BCAR3: variants seen among roughly 807,000 people sequenced by gnomAD.
BCAR3 encodes BCAR3 adaptor protein, NSP family member.
BCAR3 carries 37 observed loss-of-function variants against 80.1 expected under a neutral mutation model. The ratio of observed to expected loss-of-function variants is 0.46; its 90% CI spans 0.36 to 0.61. The LOEUF is 0.61. BCAR3 is among the 20% of genes least tolerant of loss of function. BCAR3 has a pLI of 0.00. For missense variants in BCAR3, 978 were observed against 1,068.2 expected (o/e 0.92, Z 1.18); for synonymous variants, 389 against 418.9 (o/e 0.93, Z 0.87).
In BCAR3 at chr1:93,734,043, C is replaced by A. The variant is rs993576064; in HGVS notation, c.-62-27901G>T. On this transcript the variant is annotated intron_variant, in intron 2 of 13. Coordinates refer to the BCAR3 transcript ENST00000370244. Reference sequence around the variant, plus strand: ...TTCCAGGCTGCTGAGCAAATGTAGGCTGGCTGTCTCTCTCAGCTGGCAGAC... The same window carrying A: ...TTCCAGGCTGCTGAGCAAATGTAGGATGGCTGTCTCTCTCAGCTGGCAGAC... 2.0e-5 allele frequency among the ~76,000 whole-genome samples: 3 copies of A among 152,312 alleles called. No individual in the cohort carries two copies. In the East Asian group the frequency reaches 5.8e-4, roughly 29 times the overall value.
intron 3 of BCAR3, among the ~76,000 whole-genome samples, chr1:93,696,673 T>A (rs1310111336): frequency 1.3e-5 from 2 of 152,202 alleles, no homozygotes; most frequent in African/African-American, 4.8e-5. Flanking sequence ...CAAGAGCTTC[T>A]TGCCACCCAT....
chr1:93,621,862 GTTTTGTTTTTGT>G (rs367621093), intron 3 of BCAR3, among the ~76,000 whole-genome samples: 1 of 151,912 alleles, frequency 6.6e-6, no homozygotes, highest in African/African-American at 2.4e-5. Flanking sequence ...AGCCACATTG[GTTTTGTTTTTGT>G]TTTTGTTTTT....
intron 2 of BCAR3, among the ~76,000 whole-genome samples, chr1:93,662,969 A>C (rs932877113): frequency 2.0e-5 from 3 of 152,016 alleles, no homozygotes; most frequent in African/African-American, 7.3e-5. Context: ...TTATTCCTCC[A>C]ACATCACATG....
rs866731151 is a variant in BCAR3 at position 93,609,382 on chromosome 1, A to G, written c.358-16989T>C. 2.0e-5 allele frequency among the ~76,000 whole-genome samples: 3 copies of G among 152,236 alleles called. No homozygotes were observed. In the Middle Eastern group the frequency reaches 0.01, roughly 518 times the overall value. ...TAGCTGAGACTTACTGATTCCATCT[A>G]TCCACAGGCACCACACCCCAACCTC... On this transcript the variant is annotated intron_variant, in intron 3 of 11. Transcript: ENST00000260502.
intron 1 of BCAR3, among the ~76,000 whole-genome samples, chr1:93,675,856 G>A (rs1648452940): frequency 6.8e-6 from 1 of 147,194 alleles, no homozygotes; most frequent in African/African-American, 2.5e-5. Context: ...AGCAAACTAT[G>A]GTTTTGGCCT....
At chr1:93,800,537 C>T (rs1035799487) in intron 2 of BCAR3, among the ~76,000 whole-genome samples, 6 of 152,028 alleles carry the variant, frequency 3.9e-5, no homozygotes, top group African/African-American at 1.5e-4. Flanking sequence ...GATTGTGCCA[C>T]TGCACTCCAG....
intron 2 of BCAR3, among the ~76,000 whole-genome samples, chr1:93,835,792 G>A (rs1557704610): frequency 6.6e-6 from 1 of 152,178 alleles, no homozygotes; most frequent in Non-Finnish European, 1.5e-5. Flanking sequence ...CCCTGAGTCA[G>A]GAAACTAAAA....
intron 3 of BCAR3, among the ~76,000 whole-genome samples, chr1:93,694,650 A>G (rs898001662): frequency 6.6e-6 from 1 of 152,222 alleles, no homozygotes; most frequent in African/African-American, 2.4e-5. Flanking sequence ...CCTGATCATC[A>G]GAATCATGCA....
At chr1:93,775,339 C>CAGAGAGGCACAGAGGTGCTCTCCAT (rs913832813) in intron 2 of BCAR3, 3 of 152,322 alleles carry the variant, frequency 2.0e-5, no homozygotes, top group East Asian at 1.9e-4. Flanking sequence ...TGAGTGCTCT[C>CAGAGAGGCACAGAGGTGCTCTCCAT]AGAGAGGCAC....
intron 3 of BCAR3, among the ~76,000 whole-genome samples, chr1:93,637,337 T>C (rs1675818083): frequency 6.6e-6 from 1 of 152,102 alleles, no homozygotes; most frequent in Admixed American, 6.5e-5. Flanking sequence ...GTATTTTTAG[T>C]AGAGTCGGGG....
chr1:93,584,827 TG>T, intron 5 of BCAR3: 2 of 298,556 alleles, frequency 6.7e-6, no homozygotes, highest in Non-Finnish European at 4.9e-6. Context: ...CAATTCAGAC[TG>T]GGAATTTCTC....
In BCAR3 at chr1:93,589,233, C is replaced by T. The variant is rs61752468; in HGVS notation, c.673G>A (p.Asp225Asn). ...VQYQFEMESF[D>N]SIPGLVRCYV... is the part of the protein sequence containing the mutation. ...CAGCGCACCAGGCCGGGGATGGAGT[C>T]GAAGCTCTCCATCTCGAACTGGTAC... is the stretch of plus-strand genomic sequence containing the variant. The change falls in exon 5 of 12, where the codon GAC becomes AAC. Residue 225 changes from aspartate (D) to asparagine (N), a missense_variant. Asp to Asn is a conservative substitution (Grantham distance 23, BLOSUM62 1). Coordinates refer to ENST00000260502, the MANE Select transcript of BCAR3 (RefSeq NM_003567.4). 3.2e-3 allele frequency: 5,124 copies of T among 1,614,036 alleles called. 17 individuals are homozygous for T. The highest frequency in any genetic ancestry group is 7.9e-3 in the South Asian group (720 of 91,056).
At chr1:93,762,204 C>T (rs560253448) in intron 2 of BCAR3, among the ~76,000 whole-genome samples, 182 of 152,378 alleles carry the variant, frequency 1.2e-3, no homozygotes, top group Non-Finnish European at 2.0e-3. Context: ...CATCTCACTC[C>T]TCCATTGTCC....
At position 93,613,870 on chromosome 1, in the gene BCAR3, G is replaced by C. The variant is rs766931784; in HGVS notation, c.358-21477C>G. The C allele has an allele frequency of 1.9e-6, 3 of 1,550,386 alleles. No homozygotes were observed. In the African/African-American group the frequency reaches 4.1e-5, roughly 21 times the overall value. Reference sequence around the variant, plus strand: ...ACCTTGACTCCAATGAAAGACTTGCGGTGATAGAAGCAGCACAGAGCTGCT... The same window carrying C: ...ACCTTGACTCCAATGAAAGACTTGCCGTGATAGAAGCAGCACAGAGCTGCT... On this transcript the variant is annotated intron_variant, in intron 3 of 11. Coordinates refer to ENST00000260502, the MANE Select transcript of BCAR3 (RefSeq NM_003567.4).
chr1:93,581,703 C>T lies in BCAR3; in HGVS notation c.1686+598G>A, dbSNP rs545317658. On this transcript the variant is annotated intron_variant, in intron 7 of 11. Coordinates refer to ENST00000260502, the MANE Select transcript of BCAR3 (RefSeq NM_003567.4). ...ATTACAGGCTTGAGCCAACATGCTCCGCCATTTTAGAATTTTTCTAAATTG... is the reference window on the plus strand; with the variant it reads ...ATTACAGGCTTGAGCCAACATGCTCTGCCATTTTAGAATTTTTCTAAATTG... Among the ~76,000 whole-genome samples the T allele has an allele frequency of 1.1e-4, 17 of 152,190 alleles. No homozygotes were observed. The South Asian group carries it at 2.5e-3, about 22-fold the overall frequency.
At chr1:93,642,015 G>T (rs1675995333) in intron 3 of BCAR3, among the ~76,000 whole-genome samples, 1 of 152,168 alleles carries the variant, frequency 6.6e-6, no homozygotes, top group Non-Finnish European at 1.5e-5. Context: ...CTCTCTGGGA[G>T]TATTACTATA....
intron 1 of BCAR3, among the ~76,000 whole-genome samples, chr1:93,677,178 G>A (rs1322245116): frequency 1.3e-5 from 2 of 152,164 alleles, no homozygotes; most frequent in Non-Finnish European, 2.9e-5. Flanking sequence ...AATTAATTTT[G>A]ACAAAAGGAC....
At position 93,640,898 on chromosome 1, in the gene BCAR3, G is replaced by A. The variant is rs77567469; in HGVS notation, c.357+1406C>T. Among the ~76,000 whole-genome samples the A allele has an allele frequency of 1.1e-3, 163 of 152,340 alleles. 2 individuals carry two copies. The East Asian group carries it at 0.031, about 29-fold the overall frequency. ...TAGCCAATTTCTGAAACAAGGCATG[G>A]AGTGATTTTTAAAGAGCTGTTGTTA... On this transcript the variant is annotated intron_variant, in intron 3 of 11. Coordinates refer to ENST00000260502, the MANE Select transcript of BCAR3 (RefSeq NM_003567.4).
At chr1:93,577,569 T>G (rs534974159) in intron 7 of BCAR3, among the ~76,000 whole-genome samples, 4 of 152,178 alleles carry the variant, frequency 2.6e-5, no homozygotes, top group Non-Finnish European at 5.9e-5. Flanking sequence ...TCAGATAACT[T>G]TAGAACCCCT....
Sources: allele counts gnomAD v4.1 joint callset (sites outside exome capture counted in the v4.1 genomes callset), GRCh38; gene constraint gnomAD v4.1.1; transcripts MANE v1.5; gene names NCBI Gene and HGNC (gene_info 2026-07-23, HGNC 2026-07-21).